Variants in TLE1 observed in about 807,000 individuals in gnomAD.
TLE1 encodes the protein transducin-like enhancer protein 1.
TLE1 carries 21 observed loss-of-function variants against 89.8 expected under a neutral mutation model. The ratio of observed to expected loss-of-function variants is 0.23; its 90% confidence interval spans 0.17 to 0.34. The LOEUF (loss-of-function observed/expected upper bound fraction) is 0.34, where lower values mean the gene tolerates loss of function less well. Among genes scored for constraint, TLE1 ranks in the 10% least tolerant of loss-of-function variants. The pLI is 1.00. For missense variants in TLE1, 795 were observed against 1,031.2 expected (o/e 0.77, Z 3.14); for synonymous variants, 447 against 407.6 (o/e 1.10, Z -1.16).
chr9:81,664,252 CAA>C (rs75917762), intron 4 of TLE1, among the ~76,000 whole-genome samples: 2 of 128,444 alleles, frequency 1.6e-5, no homozygotes, highest in African/African-American at 2.8e-5. Flanking sequence ...CTGCCTCTAC[CAA>C]AAAAAAAAAA....
At chr9:81,626,062 T>C (rs894486632) in intron 8 of TLE1, among the ~76,000 whole-genome samples, 24 of 151,928 alleles carry the variant, frequency 1.6e-4, no homozygotes, top group African/African-American at 5.8e-4. Flanking sequence ...AGCAGCAAAA[T>C]GGAAAGGAAA....
At chr9:81,613,056 C>G (rs1454956980) in intron 12 of TLE1, among the ~76,000 whole-genome samples, 1 of 151,362 alleles carries the variant, frequency 6.6e-6, no homozygotes, top group Non-Finnish European at 1.5e-5. Flanking sequence ...GCAAGACTTT[C>G]GTCTCAAAGC....
At chr9:81,638,322 G>C (rs1827668610) in intron 6 of TLE1, among the ~76,000 whole-genome samples, 1 of 152,192 alleles carries the variant, frequency 6.6e-6, no homozygotes, top group South Asian at 2.1e-4. Flanking sequence ...GCTTTTCTCA[G>C]AAGTAGATGC....
At chr9:81,686,371 C>A (rs775230047) in intron 2 of TLE1, among the ~76,000 whole-genome samples, 1 of 152,178 alleles carries the variant, frequency 6.6e-6, no homozygotes, top group Non-Finnish European at 1.5e-5. Flanking sequence ...GTTTTTAAAT[C>A]CCTGCCAAAA....
rs1378592518 is a variant in TLE1, at chr9:81,587,700, T to C, written c.1958A>G (p.Gln653Arg). The change falls in exon 17 of 20, where the codon CAG becomes CGG. Residue 653 changes from glutamine (Q) to arginine (R), a missense_variant. Gln to Arg is a conservative substitution (Grantham distance 43). Around this residue, in one of 4 missense-constraint regions of TLE1, gnomAD observed 214 missense variants for 354.9 expected, o/e 0.60. Coordinates refer to ENST00000376499, the MANE Select transcript of TLE1 (RefSeq NM_005077.5). Reference sequence around the variant, plus strand: ...AGTCACCTGGGAGGTGAAGTCGTGCTGCTGCAGCTGCCGCCCCTCGCGCAG... The same window carrying C: ...AGTCACCTGGGAGGTGAAGTCGTGCCGCTGCAGCTGCCGCCCCTCGCGCAG... ...WDLREGRQLQ[Q>R]HDFTSQIFSL... The C allele has an allele frequency of 6.2e-7, 1 of 1,613,186 alleles. No individual in the cohort carries two copies. Among genetic ancestry groups the C allele is most frequent in the African/African-American group, 1.3e-5 (1 of 74,914 alleles).
At chr9:81,596,055 T>G (rs756421664) in intron 14 of TLE1, among the ~76,000 whole-genome samples, 2 of 152,002 alleles carry the variant, frequency 1.3e-5, no homozygotes, top group Non-Finnish European at 2.9e-5. Context: ...GAAAGGAGAT[T>G]TTATCTTCCT....
At chr9:81,613,602 C>T in intron 11 of TLE1, 81 bp from the exon 12 acceptor site, 2 of 1,516,298 alleles carry the variant, frequency 1.3e-6, no homozygotes, top group Non-Finnish European at 1.8e-6. Flanking sequence ...GCAGCTGGGA[C>T]ACTGGGCACC....
chr9:81,645,534 A>C lies in TLE1; in HGVS notation c.372+6680T>G, dbSNP rs138611051. On this transcript the variant is annotated intron_variant, in intron 6 of 19. Transcript: ENST00000376499. Reference sequence around the variant, plus strand: ...GATGGGTGGATCCCCTGAGGTCAGGAGCTCCAGATCAGCCTGGCCAACATG... The same window carrying C: ...GATGGGTGGATCCCCTGAGGTCAGGCGCTCCAGATCAGCCTGGCCAACATG... 2.5e-3 allele frequency among the ~76,000 whole-genome samples: 384 copies of C among 152,104 alleles called. 3 individuals carry two copies. The highest frequency in any genetic ancestry group is 8.8e-3 in the African/African-American group (363 of 41,466).
At chr9:81,657,366 A>G (rs1830265576) in intron 4 of TLE1, among the ~76,000 whole-genome samples, 2 of 152,182 alleles carry the variant, frequency 1.3e-5, no homozygotes, top group African/African-American at 2.4e-5. Flanking sequence ...GAACACATCA[A>G]TATCATAAAA....
chr9:81,602,034 C>T (rs1183454531), intron 14 of TLE1, among the ~76,000 whole-genome samples: 2 of 152,258 alleles, frequency 1.3e-5, no homozygotes, highest in East Asian at 3.9e-4. Flanking sequence ...TAAGATGTTT[C>T]ACGGTGCAAC....
Position 81,584,100 on chromosome 9 carries a change from T to C in TLE1, c.*98A>G, listed in dbSNP as rs1828007005. ...GTCAAGGTTTGGAAACAGGTGTTTG[T>C]AATTTTTTTTCTCTTTTAAAGTTAC... On this transcript the variant is annotated 3_prime_UTR_variant, in exon 20 of 20. Transcript: ENST00000376499. 9.1e-7 allele frequency: 1 copy of C among 1,097,874 alleles called. No homozygotes were observed. The highest frequency in any genetic ancestry group is 1.4e-6 in the Non-Finnish European group (1 of 737,718). The allele number at this position is 1,097,874 out of a possible 1,614,324, so 68.0% of individuals were successfully genotyped here. A position where few individuals can be genotyped will look rare whatever the true frequency, so the allele number is the denominator to read the frequency against.
At chr9:81,623,629 A>T (rs1480408868) in intron 8 of TLE1, among the ~76,000 whole-genome samples, 3 of 149,804 alleles carry the variant, frequency 2.0e-5, no homozygotes, top group African/African-American at 7.5e-5. Flanking sequence ...AAAAAAAAAA[A>T]AAAAAAAAAA....
chr9:81,638,192 A>G (rs1235877860), intron 6 of TLE1, among the ~76,000 whole-genome samples: 1 of 152,158 alleles, frequency 6.6e-6, no homozygotes, highest in African/African-American at 2.4e-5. Context: ...CATGAGTACC[A>G]TCTCCTGTCC....
intron 4 of TLE1, among the ~76,000 whole-genome samples, chr9:81,658,195 A>G (rs750274799): frequency 6.6e-6 from 1 of 152,064 alleles, no homozygotes; most frequent in Non-Finnish European, 1.5e-5. Flanking sequence ...TTATAATCCT[A>G]GCATGAGCCA....
intron 4 of TLE1, among the ~76,000 whole-genome samples, chr9:81,678,834 C>T (rs1288093810): frequency 6.6e-6 from 1 of 150,920 alleles, no homozygotes; most frequent in Non-Finnish European, 1.5e-5. Context: ...AGCAAGACTC[C>T]ATCTCAAAGA....
At chr9:81,681,148 GCTTGCTGAAATAT>G in intron 4 of TLE1, among the ~76,000 whole-genome samples, 2 of 152,174 alleles carry the variant, frequency 1.3e-5, no homozygotes, top group East Asian at 3.9e-4. Context: ...CTGAGATGTT[GCTTGCTGAAATAT>G]CACATGGAGC....
At chr9:81,684,617 G>A (rs1049512587) in intron 4 of TLE1, among the ~76,000 whole-genome samples, 5 of 152,246 alleles carry the variant, frequency 3.3e-5, no homozygotes, top group East Asian at 3.9e-4. Context: ...TGCCCCAGCC[G>A]GTCAGCCATG....
intron 8 of TLE1, among the ~76,000 whole-genome samples, chr9:81,623,182 G>A (rs1422198764): frequency 6.6e-6 from 1 of 152,022 alleles, no homozygotes; most frequent in Admixed American, 6.6e-5. Flanking sequence ...TGACTTTGTG[G>A]GTACTGCATT....
At position 81,588,063 on chromosome 9, in the gene TLE1, G is replaced by A. The variant is rs115449400; in HGVS notation, c.1830-235C>T. ...CCACGATCCAAGTGCTAAAGAAATGGAATGCCACTGCAGGTCACTACCCAG... is the reference window on the plus strand; with the variant it reads ...CCACGATCCAAGTGCTAAAGAAATGAAATGCCACTGCAGGTCACTACCCAG... On this transcript the variant is annotated intron_variant, in intron 16 of 19. Coordinates refer to ENST00000376499, the MANE Select transcript of TLE1 (RefSeq NM_005077.5). Among the ~76,000 whole-genome samples, 424 of 152,184 alleles carry A rather than the reference G, an allele frequency of 2.8e-3. 3 individuals are homozygous for A. Among genetic ancestry groups the A allele is most frequent in the African/African-American group, 0.01 (416 of 41,524 alleles).
Sources: allele counts gnomAD v4.1 joint callset (sites outside exome capture counted in the v4.1 genomes callset), GRCh38; gene constraint gnomAD v4.1.1; regional missense constraint gnomAD v4.1.1; transcripts MANE v1.5; gene names NCBI Gene and HGNC (gene_info 2026-07-23, HGNC 2026-07-21).